CADM2: variants seen among roughly 807,000 people sequenced by gnomAD.
CADM2 encodes cell adhesion molecule 2.
CADM2 carries 12 observed loss-of-function variants against 49.8 expected under a neutral mutation model. That is an observed-to-expected ratio of 0.24 (90% CI 0.15 to 0.39). The LOEUF (loss-of-function observed/expected upper bound fraction) is 0.39, where lower values mean the gene tolerates loss of function less well. Ranked by LOEUF, CADM2 falls within the 10% of genes least tolerant of loss-of-function variation. CADM2 has a pLI of 1.00. For missense variants in CADM2, 378 were observed against 492.3 expected (o/e 0.77, Z 2.20); for synonymous variants, 214 against 175.4 (o/e 1.22, Z -1.74).
At chr3:85,317,313 C>T (rs1156803417) in intron 1 of CADM2, among the ~76,000 whole-genome samples, 4 of 152,028 alleles carry the variant, frequency 2.6e-5, no homozygotes, top group African/African-American at 7.3e-5. Context: ...TCCCTAGGGA[C>T]CTGACAGATA....
intron 1 of CADM2, among the ~76,000 whole-genome samples, chr3:85,471,687 C>CATTTCATTTT (rs1553727390): frequency 7.0e-6 from 1 of 143,348 alleles, no homozygotes. Context: ...ATATTTTTAG[C>CATTTCATTTT]ATTTTATTTT....
At chr3:85,312,149 ACAATCCCCAC>A (rs1421579238) in intron 1 of CADM2, among the ~76,000 whole-genome samples, 18 of 152,176 alleles carry the variant, frequency 1.2e-4, no homozygotes, top group African/African-American at 4.1e-4. Flanking sequence ...TTTGAAATTG[ACAATCCCCAC>A]GTTAGAATCA....
chr3:85,159,558 G>A (rs1217296192), intron 1 of CADM2, among the ~76,000 whole-genome samples: 5 of 152,252 alleles, frequency 3.3e-5, no homozygotes, highest in Admixed American at 2.0e-4. Flanking sequence ...AAAATTTTTC[G>A]TAGTGCTTAT....
chr3:86,008,408 A>T (rs1258133224), intron 8 of CADM2, among the ~76,000 whole-genome samples: 1 of 152,156 alleles, frequency 6.6e-6, no homozygotes, highest in East Asian at 1.9e-4. Context: ...AATATAAGTC[A>T]GTTTAGAATC....
chr3:85,740,146 A>G (rs531349340), intron 2 of CADM2, among the ~76,000 whole-genome samples: 90 of 152,312 alleles, frequency 5.9e-4, no homozygotes, highest in African/African-American at 2.0e-3. Context: ...GTTGGCATGC[A>G]TGATCAAGTG....
At chr3:85,282,519 G>A (rs868656299) in intron 1 of CADM2, among the ~76,000 whole-genome samples, 12 of 143,236 alleles carry the variant, frequency 8.4e-5, no homozygotes, top group South Asian at 2.2e-4. Flanking sequence ...CAATCTACCC[G>A]CCTCGGCCTC....
intron 8 of CADM2, among the ~76,000 whole-genome samples, chr3:85,977,986 G>T (rs962152860): frequency 1.3e-5 from 2 of 151,522 alleles, no homozygotes; most frequent in African/African-American, 4.8e-5. Context: ...GTGACTCAAA[G>T]ACTTTAACTG....
intron 5 of CADM2, among the ~76,000 whole-genome samples, chr3:85,911,218 T>A (rs1717542064): frequency 6.6e-6 from 1 of 152,182 alleles, no homozygotes; most frequent in Non-Finnish European, 1.5e-5. Context: ...GTTATAATGA[T>A]AACTTAACCT....
chr3:85,976,168 G>A (rs967601847), intron 8 of CADM2, among the ~76,000 whole-genome samples: 8 of 151,336 alleles, frequency 5.3e-5, no homozygotes, highest in East Asian at 1.9e-4. Context: ...TATTTTAAGC[G>A]GTATCATTTT....
At chr3:85,882,652 A>G (rs1239421459) in intron 3 of CADM2, among the ~76,000 whole-genome samples, 4 of 152,202 alleles carry the variant, frequency 2.6e-5, no homozygotes, top group Admixed American at 2.0e-4. Context: ...AGCATAATTC[A>G]GCAAGATGCT....
At chr3:85,832,535 G>T (rs2074228760) in intron 3 of CADM2, among the ~76,000 whole-genome samples, 1 of 151,742 alleles carries the variant, frequency 6.6e-6, no homozygotes, top group South Asian at 2.1e-4. Flanking sequence ...TCATCTCCTT[G>T]GTTAGATCTA....
At chr3:86,014,867 G>C in intron 8 of CADM2, 1 of 1,540,680 alleles carries the variant, frequency 6.5e-7, no homozygotes, top group African/African-American at 1.4e-5. Flanking sequence ...TTCCTAATGT[G>C]TATGCATTGA....
intron 1 of CADM2, among the ~76,000 whole-genome samples, chr3:85,627,708 C>T (rs749755819): frequency 4.6e-5 from 7 of 151,872 alleles, no homozygotes; most frequent in Admixed American, 2.6e-4. Flanking sequence ...GATAAAAATC[C>T]AATGACAAAA....
intron 1 of CADM2, among the ~76,000 whole-genome samples, chr3:85,226,945 G>A (rs1365487213): frequency 6.6e-6 from 1 of 152,194 alleles, no homozygotes; most frequent in Non-Finnish European, 1.5e-5. Context: ...TTTTGAGTGA[G>A]TTTCTTAATC....
At position 85,802,214 on chromosome 3, in the gene CADM2, C is replaced by G. The variant is rs966781052; in HGVS notation, c.238+18C>G. 6.3e-7 allele frequency: 1 copy of G among 1,594,524 alleles called. No individual in the cohort carries two copies. Among genetic ancestry groups the G allele is most frequent in the Non-Finnish European group, 8.6e-7 (1 of 1,169,350 alleles). On this transcript the variant is annotated intron_variant, in intron 3 of 9. Transcript: ENST00000383699. ...CAAGAAAGGTGAATACATTTTCTTT[C>G]AAATGTTTTAATCGTATTCTAAAAT... is the stretch of plus-strand genomic sequence containing the variant.
At chr3:85,828,404 A>G (rs1236603229) in intron 3 of CADM2, among the ~76,000 whole-genome samples, 1 of 151,970 alleles carries the variant, frequency 6.6e-6, no homozygotes, top group Non-Finnish European at 1.5e-5. Flanking sequence ...ATTAAGAAAG[A>G]ACACCATATG....
intron 1 of CADM2, among the ~76,000 whole-genome samples, chr3:85,366,067 AT>A (rs2032759921): frequency 6.6e-6 from 1 of 152,188 alleles, no homozygotes; most frequent in South Asian, 2.1e-4. Flanking sequence ...GTACAAGTAA[AT>A]ACTTAATGAT....
intron 1 of CADM2, among the ~76,000 whole-genome samples, chr3:85,573,133 A>G (rs1028816216): frequency 1.3e-5 from 2 of 151,962 alleles, no homozygotes; most frequent in Admixed American, 1.3e-4. Context: ...GACAATCTCA[A>G]TGTAATATAT....
At chr3:85,924,344 CT>C (rs1222666683) in intron 6 of CADM2, among the ~76,000 whole-genome samples, 1 of 151,998 alleles carries the variant, frequency 6.6e-6, no homozygotes, top group African/African-American at 2.4e-5. Flanking sequence ...AATCATAGCA[CT>C]TTGGGAGGCC....
Sources: allele counts gnomAD v4.1 joint callset (sites outside exome capture counted in the v4.1 genomes callset), GRCh38; gene constraint gnomAD v4.1.1; transcripts MANE v1.5; gene names NCBI Gene and HGNC (gene_info 2026-07-23, HGNC 2026-07-21).